ADAMTSL3: variants seen among roughly 807,000 people sequenced by gnomAD.
ADAMTSL3 encodes ADAMTS like 3, also known as ADAMTS-like protein 3.
In ADAMTSL3, 128 loss-of-function variants were observed where a neutral mutation model predicts 201.7. The ratio of observed to expected loss-of-function variants is 0.63; its 90% CI spans 0.55 to 0.73. The LOEUF is 0.73. ADAMTSL3 is among the 30% of genes least tolerant of loss of function. The pLI, the probability that ADAMTSL3 is intolerant of heterozygous loss-of-function variation, is 0.00. For synonymous variants in ADAMTSL3, 738 were observed against 748.4 expected (o/e 0.99, Z 0.23); for missense variants, 1,990 against 2,119.6 (o/e 0.94, Z 1.20).
At chr15:83,884,191 C>T (rs2065340569) in intron 9 of ADAMTSL3, among the ~76,000 whole-genome samples, 1 of 152,086 alleles carries the variant, frequency 6.6e-6, no homozygotes, top group Non-Finnish European at 1.5e-5. Context: ...CTGTGCCTGG[C>T]CACATTAATC....
intron 20 of ADAMTSL3, among the ~76,000 whole-genome samples, chr15:83,974,814 A>C (rs1449568476): frequency 6.6e-6 from 1 of 152,130 alleles, no homozygotes; most frequent in Non-Finnish European, 1.5e-5. Flanking sequence ...TTGGTAAAGA[A>C]GAATTTTTAT....
At chr15:84,017,807 T>C (rs1311162942) in intron 25 of ADAMTSL3, among the ~76,000 whole-genome samples, 5 of 152,232 alleles carry the variant, frequency 3.3e-5, no homozygotes, top group African/African-American at 1.2e-4. Context: ...GGTCTGGGGT[T>C]GCAGATGACC....
chr15:83,739,871 A>C, intron 3 of ADAMTSL3: 1 of 600,580 alleles, frequency 1.7e-6, no homozygotes, highest in East Asian at 4.5e-5. Flanking sequence ...GGAACACAGC[A>C]TCCTGCCTGA....
chr15:83,962,467 C>T (rs988641073), intron 19 of ADAMTSL3: 19 of 152,052 alleles, frequency 1.2e-4, no homozygotes, highest in African/African-American at 2.7e-4. Context: ...AGTGTTCTTT[C>T]GGGAATTAAT....
intron 3 of ADAMTSL3, among the ~76,000 whole-genome samples, chr15:83,727,217 G>A (rs8032414): frequency 0.84 from 127,069 of 151,644 alleles, 53,748 homozygotes; most frequent in East Asian, 0.96. Context: ...TTATCCTTCA[G>A]ATTTCTTTGG....
At chr15:83,940,741 A>G (rs568528293) in intron 17 of ADAMTSL3, among the ~76,000 whole-genome samples, 4 of 152,292 alleles carry the variant, frequency 2.6e-5, no homozygotes, top group African/African-American at 9.6e-5. Context: ...ATATATAACC[A>G]CATGCAAAAG....
chr15:83,870,971 C>G lies in ADAMTSL3; in HGVS notation c.960+12C>G, dbSNP rs2065068867. 6 of 1,609,042 alleles carry G rather than the reference C, an allele frequency of 3.7e-6. No homozygotes were observed. Among genetic ancestry groups the G allele is most frequent in the East Asian group, 2.2e-5 (1 of 44,832 alleles). Reference sequence around the variant, plus strand: ...ATTTCATCTTCAAGGTAGGATGATCCTCTTCATAAACTTCATGTACCTGAA... The same window carrying G: ...ATTTCATCTTCAAGGTAGGATGATCGTCTTCATAAACTTCATGTACCTGAA... On this transcript the variant is annotated intron_variant, in intron 9 of 29. Transcript: ENST00000286744.
chr15:83,961,406 A>T (rs12910084), intron 19 of ADAMTSL3, among the ~76,000 whole-genome samples: 21,134 of 152,232 alleles, frequency 0.14, 1,902 homozygotes, highest in Middle Eastern at 0.34. Context: ...GTATTCAGAG[A>T]CAAAATAAGG....
intron 19 of ADAMTSL3, among the ~76,000 whole-genome samples, chr15:83,955,082 G>C (rs570094626): frequency 6.6e-6 from 1 of 152,184 alleles, no homozygotes; most frequent in East Asian, 1.9e-4. Context: ...TTCCCTTCAG[G>C]CTTATGTTCT....
chr15:83,699,627 A>G (rs1275975910), intron 2 of ADAMTSL3, among the ~76,000 whole-genome samples: 1 of 152,204 alleles, frequency 6.6e-6, no homozygotes, highest in Non-Finnish European at 1.5e-5. Flanking sequence ...CCTTACCATA[A>G]GGCTTTAAAT....
chr15:83,998,341 C>T (rs530520830), intron 23 of ADAMTSL3, among the ~76,000 whole-genome samples: 16 of 152,064 alleles, frequency 1.1e-4, no homozygotes, highest in East Asian at 5.8e-4. Context: ...CCCAGTTACT[C>T]GGGAGGCTGA....
chr15:83,794,929 T>C (rs2063399553), intron 4 of ADAMTSL3, among the ~76,000 whole-genome samples: 2 of 152,118 alleles, frequency 1.3e-5, no homozygotes, highest in Non-Finnish European at 2.9e-5. Context: ...CTCGGCTCAC[T>C]GCAACCTCTG....
intron 26 of ADAMTSL3, among the ~76,000 whole-genome samples, chr15:84,021,944 TTTAC>T (rs2068213238): frequency 6.6e-6 from 1 of 152,188 alleles, no homozygotes; most frequent in Non-Finnish European, 1.5e-5. Flanking sequence ...ATTTCTTGGG[TTTAC>T]TTAGGAGATA....
chr15:83,756,035 A>G (rs1304020416), intron 3 of ADAMTSL3, among the ~76,000 whole-genome samples: 1 of 152,220 alleles, frequency 6.6e-6, no homozygotes, highest in East Asian at 1.9e-4. Flanking sequence ...TGCTGGGATT[A>G]CAGGCATGAG....
chr15:83,659,916 G>A (rs1173312973), intron 2 of ADAMTSL3, among the ~76,000 whole-genome samples: 1 of 152,174 alleles, frequency 6.6e-6, no homozygotes, highest in African/African-American at 2.4e-5. Flanking sequence ...GATGTAACTG[G>A]CTGTAGTGAC....
At chr15:83,738,143 A>G (rs146537916) in intron 3 of ADAMTSL3, among the ~76,000 whole-genome samples, 3 of 152,372 alleles carry the variant, frequency 2.0e-5, no homozygotes, top group Admixed American at 2.0e-4. Flanking sequence ...ATGAGGTGCA[A>G]GAAAGATGGA....
chr15:84,004,952 T>C (rs763174954), intron 23 of ADAMTSL3, among the ~76,000 whole-genome samples: 1 of 152,130 alleles, frequency 6.6e-6, no homozygotes, highest in Non-Finnish European at 1.5e-5. Context: ...CTCCCCTAAA[T>C]TGAAAAGGCT....
intron 2 of ADAMTSL3, among the ~76,000 whole-genome samples, chr15:83,677,013 A>G (rs1488828141): frequency 2.0e-5 from 3 of 152,224 alleles, no homozygotes; most frequent in Admixed American, 6.5e-5. Flanking sequence ...AGACATTTTG[A>G]GAATTTCTCT....
intron 18 of ADAMTSL3, 52 bp downstream of exon 18, chr15:83,942,840 C>A: frequency 6.2e-7 from 1 of 1,605,738 alleles, no homozygotes; most frequent in South Asian, 1.1e-5. Context: ...CTGTGAGAGG[C>A]CCTGCACTGC....
Sources: allele counts gnomAD v4.1 joint callset (sites outside exome capture counted in the v4.1 genomes callset), GRCh38; gene constraint gnomAD v4.1.1; transcripts MANE v1.5; gene names NCBI Gene and HGNC (gene_info 2026-07-23, HGNC 2026-07-21).